Variants in CAPRIN1 observed in about 807,000 individuals in gnomAD.
The protein encoded by CAPRIN1 is cell cycle associated protein 1, also known as caprin-1.
CAPRIN1 carries 29 observed loss-of-function variants against 100.9 expected under a neutral mutation model. The ratio of observed to expected loss-of-function variants is 0.29; its 90% CI spans 0.21 to 0.39. The LOEUF (loss-of-function observed/expected upper bound fraction) is 0.39. Ranked by LOEUF, CAPRIN1 falls within the 10% of genes least tolerant of loss-of-function variation. The pLI is 1.00. For missense variants in CAPRIN1, 795 were observed against 876.7 expected (o/e 0.91, Z 1.18); for synonymous variants, 338 against 307.5 (o/e 1.10, Z -1.04).
At chr11:34,081,608 TTTA>T (rs1330980376) in intron 7 of CAPRIN1, among the ~76,000 whole-genome samples, 11 of 152,066 alleles carry the variant, frequency 7.2e-5, no homozygotes, top group Admixed American at 1.3e-4. Flanking sequence ...ATTCTCCTGC[TTTA>T]GCCTCTCGAG....
chr11:34,082,482 C>T (rs1448220323), intron 7 of CAPRIN1, among the ~76,000 whole-genome samples: 2 of 152,334 alleles, frequency 1.3e-5, no homozygotes, highest in African/African-American at 2.4e-5. Context: ...AGCCACTGTG[C>T]CTGGCCGACT....
rs1422964172 is a variant in CAPRIN1 at position 34,101,909 on chromosome 11, T to C, written c.*2542T>C. ...CTCACATACAAAATACTTTTGTATA[T>C]GCATAATATAAATCATCTCATGTGG... On this transcript the variant is annotated 3_prime_UTR_variant, in exon 19 of 19. Transcript: ENST00000341394. 1.3e-5 allele frequency among the ~76,000 whole-genome samples: 2 copies of C among 152,248 alleles called. No homozygotes were observed. The highest frequency in any genetic ancestry group is 2.9e-5 in the Non-Finnish European group (2 of 68,042).
chr11:34,070,212 G>A (rs1482230520), intron 2 of CAPRIN1, among the ~76,000 whole-genome samples: 2 of 152,182 alleles, frequency 1.3e-5, no homozygotes, highest in East Asian at 3.8e-4. Context: ...AACCTGCAAA[G>A]TTTTAATCTT....
chr11:34,062,417 A>C (rs1430174510), intron 2 of CAPRIN1, among the ~76,000 whole-genome samples: 1 of 152,064 alleles, frequency 6.6e-6, no homozygotes, highest in Non-Finnish European at 1.5e-5. Context: ...CGAGGTCAGG[A>C]GATCAAGACC....
At chr11:34,052,785 C>A in intron 2 of CAPRIN1, 149 bp downstream of exon 2, 1 of 1,443,150 alleles carries the variant, frequency 6.9e-7, no homozygotes, top group South Asian at 1.4e-5. Context: ...GCCCCGTCTC[C>A]ACGTTCAGCG....
intron 2 of CAPRIN1, among the ~76,000 whole-genome samples, chr11:34,067,489 GT>G (rs1850722281): frequency 6.6e-6 from 1 of 151,338 alleles, no homozygotes; most frequent in African/African-American, 2.4e-5. Context: ...AAAATGCACA[GT>G]TGTTTTTTTT....
Position 34,071,681 on chromosome 11 carries a change from A to G in CAPRIN1, c.217-45A>G, listed in dbSNP as rs1288985380. ...TTGTCAAGCATGCTTAAGCTGGTAT[A>G]TACCTTCAAAACGGAATGTAATTCT... On this transcript the variant is annotated intron_variant, in intron 2 of 18. Coordinates refer to ENST00000341394, the MANE Select transcript of CAPRIN1 (RefSeq NM_005898.5). 11 of 1,396,322 alleles carry G rather than the reference A, an allele frequency of 7.9e-6. No homozygotes were observed. In the Admixed American group the frequency reaches 1.9e-4, roughly 24 times the overall value. 86.5% of individuals were successfully genotyped at this position (1,396,322 alleles called of 1,614,324 possible).
chr11:34,082,806 C>T lies in CAPRIN1; in HGVS notation c.827-19C>T, dbSNP rs780286934. 1 of 1,609,004 alleles carries T rather than the reference C, an allele frequency of 6.2e-7. No homozygotes were observed. The highest frequency in any genetic ancestry group is 8.5e-7 in the Non-Finnish European group (1 of 1,177,182). ...GACCTAAAAATCCTTTTGTTTTGCA[C>T]CATTTTTTAACCTCTTAGAACCTGA... On this transcript the variant is annotated intron_variant, in intron 7 of 18. Coordinates refer to ENST00000341394, the MANE Select transcript of CAPRIN1 (RefSeq NM_005898.5).
intron 1 of CAPRIN1, 69 bp from the exon 2 acceptor site, chr11:34,052,352 C>G: frequency 7.9e-7 from 1 of 1,268,888 alleles, no homozygotes; most frequent in Non-Finnish European, 1.1e-6. Flanking sequence ...CGTCTCGCCC[C>G]GTCCGTCTCC....
At chr11:34,080,717 T>A (rs1349767615) in intron 7 of CAPRIN1, among the ~76,000 whole-genome samples, 1 of 152,220 alleles carries the variant, frequency 6.6e-6, no homozygotes, top group Non-Finnish European at 1.5e-5. Flanking sequence ...AATCTTCGCT[T>A]CAACACTTAC....
rs1279003508 is a variant in CAPRIN1 at position 34,086,336 on chromosome 11, T to C, written c.1154T>C (p.Leu385Pro). The C allele has an allele frequency of 1.9e-6, 3 of 1,613,828 alleles. No individual in the cohort carries two copies. The highest frequency in any genetic ancestry group is 1.7e-5 in the Admixed American group (1 of 59,972). The change falls in exon 11 of 19, where the codon CTT (leucine) becomes CCT (proline). Residue 385 changes from leucine (L) to proline (P), a missense_variant. Around this residue, in one of 3 missense-constraint regions of CAPRIN1, gnomAD observed 648 missense variants for 697.9 expected, o/e 0.93. Transcript: ENST00000341394. ...DSMLDFENQT[L>P]DPAIVSAQPM... ...ATGCTGGATTTTGAAAATCAGACACTTGATCCTGCCATTGTATCTGCACAG... is the reference window on the plus strand; with the variant it reads ...ATGCTGGATTTTGAAAATCAGACACCTGATCCTGCCATTGTATCTGCACAG...
At chr11:34,078,449 A>C (rs1218611335) in intron 6 of CAPRIN1, among the ~76,000 whole-genome samples, 2 of 152,198 alleles carry the variant, frequency 1.3e-5, no homozygotes, top group East Asian at 3.8e-4. Flanking sequence ...ACCCTGGTAC[A>C]CCAAATTCTG....
At chr11:34,063,957 G>A (rs1180416032) in intron 2 of CAPRIN1, among the ~76,000 whole-genome samples, 4 of 151,952 alleles carry the variant, frequency 2.6e-5, no homozygotes, top group Non-Finnish European at 5.9e-5. Context: ...TAGTAGAGAC[G>A]GGGTTTCTCC....
chr11:34,083,449 C>T (rs998300560), intron 9 of CAPRIN1, among the ~76,000 whole-genome samples: 5 of 152,176 alleles, frequency 3.3e-5, no homozygotes, highest in Non-Finnish European at 5.9e-5. Flanking sequence ...AATGCTGTCT[C>T]TCAACTGATA....
At chr11:34,054,574 C>T (rs1399861268) in intron 2 of CAPRIN1, among the ~76,000 whole-genome samples, 4 of 152,008 alleles carry the variant, frequency 2.6e-5, no homozygotes, top group Non-Finnish European at 5.9e-5. Flanking sequence ...AGTACAGGTG[C>T]CTGCCACCAC....
At chr11:34,056,057 C>G (rs1049344598) in intron 2 of CAPRIN1, among the ~76,000 whole-genome samples, 2 of 152,156 alleles carry the variant, frequency 1.3e-5, no homozygotes, top group Non-Finnish European at 2.9e-5. Flanking sequence ...TTCTAATGCA[C>G]TAAAATAGGA....
intron 18 of CAPRIN1, 46 bp downstream of exon 18, chr11:34,097,807 T>A: frequency 6.2e-7 from 1 of 1,613,776 alleles, no homozygotes; most frequent in Non-Finnish European, 8.5e-7. Flanking sequence ...GGAGCTTCTG[T>A]TCTGGCCTTG....
rs926549729 is a variant in CAPRIN1 at position 34,085,961 on chromosome 11, T to A, written c.967-103T>A. ...TAACTGCATTAAAGCCCGTTCTGTT[T>A]ATAGTATAGATGGTTTATGTAGTGT... On this transcript the variant is annotated intron_variant, in intron 9 of 18. Coordinates refer to ENST00000341394, the MANE Select transcript of CAPRIN1 (RefSeq NM_005898.5). The A allele has an allele frequency of 1.0e-5, 9 of 861,454 alleles. No individual in the cohort carries two copies. The African/African-American group carries it at 1.4e-4, about 13-fold the overall frequency. The allele number at this position is 861,454 out of a possible 1,614,324, so 53.4% of individuals were successfully genotyped here. A position where few individuals can be genotyped will look rare whatever the true frequency, so the allele number is the denominator to read the frequency against.
chr11:34,079,858 A>G (rs1356556056), intron 7 of CAPRIN1, 93 bp downstream of exon 7: 9 of 1,145,396 alleles, frequency 7.9e-6, no homozygotes, highest in Middle Eastern at 4.5e-4. Flanking sequence ...TAGTTTTCAT[A>G]TATGTACACT....
Sources: allele counts gnomAD v4.1 joint callset (sites outside exome capture counted in the v4.1 genomes callset), GRCh38; gene constraint gnomAD v4.1.1; regional missense constraint gnomAD v4.1.1; transcripts MANE v1.5; gene names NCBI Gene and HGNC (gene_info 2026-07-23, HGNC 2026-07-21).